The following OLFM1 variants were observed in gnomAD, a reference collection of about 807,000 sequenced individuals.
OLFM1 encodes olfactomedin 1.
In OLFM1, 9 loss-of-function variants were observed where a neutral mutation model predicts 49.7. The observed-to-expected ratio is 0.18, with a 90% CI of 0.11 to 0.32. The LOEUF is 0.32. Among genes scored for constraint, OLFM1 ranks in the 10% least tolerant of loss-of-function variants. The probability of loss-of-function intolerance (pLI) is 1.00; values close to 1 mark genes in which losing one functional copy is unlikely to be tolerated. For missense variants in OLFM1, 369 were observed against 661.8 expected (o/e 0.56, Z 4.85); for synonymous variants, 240 against 271.8 (o/e 0.88, Z 1.15).
At chr9:135,102,754 G>A (rs1830888003) in intron 4 of OLFM1, among the ~76,000 whole-genome samples, 1 of 152,200 alleles carries the variant, frequency 6.6e-6, no homozygotes, top group Admixed American at 6.5e-5. Context: ...GATTGCAGGA[G>A]GTAAAAGCTG....
chr9:135,102,046 G>A (rs561333734), intron 4 of OLFM1, among the ~76,000 whole-genome samples: 4 of 152,200 alleles, frequency 2.6e-5, no homozygotes, highest in Admixed American at 1.3e-4. Flanking sequence ...TCACTGGAAC[G>A]CGTCTTAACA....
At chr9:135,087,187 G>C (rs1830608826), upstream of OLFM1, 1 of 1,385,456 alleles carries the variant, frequency 7.2e-7, no homozygotes, top group Admixed American at 3.1e-5. Flanking sequence ...AGGCCCTCGC[G>C]AGTCTGGCTG....
intron 2 of OLFM1, among the ~76,000 whole-genome samples, chr9:135,093,459 C>T (rs563322260): frequency 4.6e-5 from 7 of 152,272 alleles, no homozygotes; most frequent in African/African-American, 7.2e-5. Flanking sequence ...ATTCATTTCC[C>T]GGGGTTTTGT....
intron 3 of OLFM1, chr9:135,097,964 T>TTC: frequency 7.0e-7 from 1 of 1,436,876 alleles, no homozygotes; most frequent in Non-Finnish European, 9.1e-7. Context: ...CATGCGACTG[T>TTC]AGCTGCATTT....
upstream of OLFM1, among the ~76,000 whole-genome samples, chr9:135,086,096 G>A (rs1171566420): frequency 6.6e-6 from 1 of 152,242 alleles, no homozygotes; most frequent in East Asian, 1.9e-4. Context: ...GAGTGATCTG[G>A]ACAGACACGG....
chr9:135,100,890 A>T (rs1830861195), intron 4 of OLFM1, among the ~76,000 whole-genome samples: 1 of 151,494 alleles, frequency 6.6e-6, no homozygotes, highest in African/African-American at 2.4e-5. Flanking sequence ...CAGCTGACTG[A>T]TAACTGGATA....
intron 5 of OLFM1, among the ~76,000 whole-genome samples, chr9:135,114,669 A>G (rs1831071947): frequency 7.2e-6 from 1 of 138,208 alleles, no homozygotes; most frequent in South Asian, 2.7e-4. Flanking sequence ...GGACTGAAGG[A>G]TGTGACTGGG....
Position 135,113,592 on chromosome 9 carries a change from C to T in OLFM1, c.784-5912C>T, listed in dbSNP as rs575028772. Among the ~76,000 whole-genome samples, 5 of 152,242 alleles carry T rather than the reference C, an allele frequency of 3.3e-5. No homozygotes were observed. The highest frequency in any genetic ancestry group is 1.2e-4 in the African/African-American group (5 of 41,548). On this transcript the variant is annotated intron_variant, in intron 5 of 5. Coordinates refer to ENST00000371793, the MANE Select transcript of OLFM1 (RefSeq NM_001282611.2). This position sits in a 1 kb window ranked among gnomAD's most constrained non-coding sequence, Gnocchi z 4.0. Reference sequence around the variant, plus strand: ...TGGCGGTGGAGGCGCTTCTTGGTGCCGCATTAACAGGAGTCCAGCCACGTG... The same window carrying T: ...TGGCGGTGGAGGCGCTTCTTGGTGCTGCATTAACAGGAGTCCAGCCACGTG...
At chr9:135,090,394 G>T (rs375358150) in intron 2 of OLFM1, 50 bp downstream of exon 2, 14 of 1,560,856 alleles carry the variant, frequency 9.0e-6, no homozygotes, top group South Asian at 1.2e-5. Flanking sequence ...GTTTGTGTGT[G>T]TGTGTGTGTG....
chr9:135,120,326 C>T lies in OLFM1; in HGVS notation c.*148C>T, dbSNP rs552987421. On this transcript the variant is annotated 3_prime_UTR_variant, in exon 6 of 6. Transcript: ENST00000371793. ...ATTCTGACATCGAGGGATGGCATTA[C>T]CTCCGTGTTTCTCCCTTTCGAGCCG... 1.4e-5 allele frequency: 10 copies of T among 714,612 alleles called. No homozygotes were observed. In the African/African-American group the frequency reaches 1.8e-4, roughly 13 times the overall value. 44.3% of individuals were successfully genotyped at this position (714,612 alleles called of 1,614,324 possible).
At chr9:135,082,748 G>A (rs117143982), upstream of OLFM1, among the ~76,000 whole-genome samples, 2,492 of 152,254 alleles carry the variant, frequency 0.016, 36 homozygotes, top group Middle Eastern at 0.037. Context: ...GGACCCAGGG[G>A]TGCTTTGTTC....
At position 135,104,076 on chromosome 9, in the gene OLFM1, C is replaced by T. The variant is rs1830905860; in HGVS notation, c.677-2673C>T. On this transcript the variant is annotated intron_variant, in intron 4 of 5. Transcript: ENST00000371793. ...AGGGTGAGTGCAGGAAGCTTCTTCC[C>T]TGGGGCAGTAAGACCCAGACATTCC... Among the ~76,000 whole-genome samples, 3 of 152,208 alleles carry T rather than the reference C, an allele frequency of 2.0e-5. No individual in the cohort carries two copies. In the South Asian group the frequency reaches 6.2e-4, roughly 31 times the overall value.
intron 1 of OLFM1, chr9:135,076,109 G>T (rs1479727723): frequency 8.4e-6 from 13 of 1,543,612 alleles, no homozygotes; most frequent in African/African-American, 1.4e-5. Flanking sequence ...AGCACGAGGG[G>T]GTCTTTGGCT....
chr9:135,106,693 T>C, intron 4 of OLFM1, 56 bp from the exon 5 acceptor site: 1 of 1,384,758 alleles, frequency 7.2e-7, no homozygotes. Context: ...GTCAGGGTCA[T>C]CACCGCGGGC....
chr9:135,087,508 G>A (rs2119096483), upstream of OLFM1: 1 of 1,402,912 alleles, frequency 7.1e-7, no homozygotes, highest in Non-Finnish European at 9.4e-7. Flanking sequence ...CAACTCCTGG[G>A]CGGACTGGAG....
In OLFM1 at chr9:135,087,823, CG is replaced by C; in HGVS notation, c.-163del. ...CGCCCGGGGAAGGCGCGGCGATGGCCGGGGCGCGCGGGGCGGCGGCGGCGGC... is the reference window on the plus strand; with the variant it reads ...CGCCCGGGGAAGGCGCGGCGATGGCCGGGCGCGCGGGGCGGCGGCGGCGGC... On this transcript the variant is annotated 5_prime_UTR_variant, in exon 1 of 6. It removes the in-frame stop codon of an upstream open reading frame in the 5' UTR. Transcript: ENST00000371793. The C allele has an allele frequency of 1.1e-6, 1 of 881,050 alleles. No homozygotes were observed. The highest frequency in any genetic ancestry group is 1.4e-6 in the Non-Finnish European group (1 of 737,628). The allele number at this position is 881,050 out of a possible 1,614,324, so 54.6% of individuals were successfully genotyped here. A position where few individuals can be genotyped will look rare whatever the true frequency, so the allele number is the denominator to read the frequency against.
intron 1 of OLFM1, among the ~76,000 whole-genome samples, chr9:135,089,117 T>A (rs1830644899): frequency 6.6e-6 from 1 of 152,174 alleles, no homozygotes; most frequent in Non-Finnish European, 1.5e-5. Context: ...GGCTCCGTGG[T>A]GTGGCTCCCT....
upstream of OLFM1, among the ~76,000 whole-genome samples, chr9:135,086,174 C>T (rs550318132): frequency 1.5e-4 from 23 of 152,334 alleles, no homozygotes; most frequent in East Asian, 4.3e-3. Context: ...CCCAACCGGA[C>T]TTGTGTCTCC....
rs1588221504 is a variant in OLFM1, at chr9:135,113,622, C to T, written c.784-5882C>T. On this transcript the variant is annotated intron_variant, in intron 5 of 5. Coordinates refer to ENST00000371793, the MANE Select transcript of OLFM1 (RefSeq NM_001282611.2). The surrounding 1 kb of genome is among the most constrained non-coding windows in gnomAD (Gnocchi z 4.0). ...TAACAGGAGTCCAGCCACGTGGACACCCCTCACTCTGTGGGATCCACAGAG... is the reference window on the plus strand; with the variant it reads ...TAACAGGAGTCCAGCCACGTGGACATCCCTCACTCTGTGGGATCCACAGAG... 6.6e-6 allele frequency among the ~76,000 whole-genome samples: 1 copy of T among 152,154 alleles called. No individual in the cohort carries two copies. Among genetic ancestry groups the T allele is most frequent in the Non-Finnish European group, 1.5e-5 (1 of 68,020 alleles).
Sources: gnomAD v4.1 joint callset for allele counts (sites outside exome capture counted in the v4.1 genomes callset) on GRCh38, gnomAD v4.1.1 for gene constraint, Gnocchi (gnomAD v3.1) non-coding constraint, MANE v1.5 for transcripts, NCBI Gene and HGNC (gene_info 2026-07-23, HGNC 2026-07-21) for gene names.